PDE12: variants seen among roughly 807,000 people sequenced by gnomAD.
The protein encoded by PDE12 is phosphodiesterase 12.
A neutral mutation model predicts 45.4 loss-of-function variants in PDE12; 26 were observed. The observed-to-expected ratio is 0.57, with a 90% confidence interval of 0.42 to 0.79. The LOEUF is 0.79. Ranked by LOEUF, PDE12 falls within the 30% of genes least tolerant of loss-of-function variation. The probability of loss-of-function intolerance (pLI) is 0.00; values close to 1 mark genes in which losing one functional copy is unlikely to be tolerated. For synonymous variants in PDE12, 283 were observed against 323.9 expected (o/e 0.87, Z 1.36); for missense variants, 668 against 790.0 (o/e 0.85, Z 1.85).
chr3:57,561,252 A>G lies in PDE12; in HGVS notation c.*1248A>G, dbSNP rs2069724846. On this transcript the variant is annotated 3_prime_UTR_variant, in exon 3 of 3. Coordinates refer to ENST00000311180, the MANE Select transcript of PDE12 (RefSeq NM_177966.7). Reference sequence around the variant, plus strand: ...AACTACCTACTGATATGGGCTTGAAATTTTGGATGAATCATTGAGCATTTC... The same window carrying G: ...AACTACCTACTGATATGGGCTTGAAGTTTTGGATGAATCATTGAGCATTTC... 4.1e-6 allele frequency: 4 copies of G among 985,650 alleles called. No homozygotes were observed. The highest frequency in any genetic ancestry group is 4.8e-6 in the Non-Finnish European group (4 of 829,748). 61.1% of individuals were successfully genotyped at this position (985,650 alleles called of 1,614,324 possible).
At chr3:57,613,342 A>G in the PDE12 span, among the ~76,000 whole-genome samples, 1 of 133,298 alleles carries the variant, frequency 7.5e-6, no homozygotes, top group East Asian at 2.3e-4. Context: ...CACCCAGGCT[A>G]GAGTGCAGTG....
At chr3:57,575,809 T>C in the PDE12 span, 1 of 979,338 alleles carries the variant, frequency 1.0e-6, no homozygotes, top group Non-Finnish European at 1.4e-6. Flanking sequence ...AGTTCACTCT[T>C]ACAACTGAAG....
At chr3:57,615,351 G>A in the PDE12 span, among the ~76,000 whole-genome samples, 3 of 152,082 alleles carry the variant, frequency 2.0e-5, no homozygotes, top group East Asian at 1.9e-4. Context: ...TAATTTGTGC[G>A]ATGACACTAA....
chr3:57,644,720 G>A, the PDE12 span, among the ~76,000 whole-genome samples: 1 of 31,388 alleles, frequency 3.2e-5, no homozygotes, highest in African/African-American at 1.3e-4. Flanking sequence ...GGAGAGGAGG[G>A]GAGAGGAGGG....
chr3:57,633,915 A>G, the PDE12 span, among the ~76,000 whole-genome samples: 25 of 152,040 alleles, frequency 1.6e-4, no homozygotes, highest in African/African-American at 5.8e-4. Flanking sequence ...TGAGTTCACT[A>G]TAAAGACAAT....
the PDE12 span, chr3:57,628,745 C>T: frequency 1.3e-6 from 2 of 1,516,062 alleles, no homozygotes; most frequent in Non-Finnish European, 1.8e-6. Flanking sequence ...GGGTTGTCAG[C>T]TCACATGAGA....
chr3:57,621,395 C>T, the PDE12 span, among the ~76,000 whole-genome samples: 1 of 152,190 alleles, frequency 6.6e-6, no homozygotes, highest in Non-Finnish European at 1.5e-5. Context: ...AGAGGCTGAG[C>T]GCGTTGGCTA....
chr3:57,579,580 G>A, the PDE12 span, among the ~76,000 whole-genome samples: 1 of 152,004 alleles, frequency 6.6e-6, no homozygotes, highest in Non-Finnish European at 1.5e-5. Context: ...GAGCCACCGC[G>A]CCCAGCCCCA....
chr3:57,650,713 C>G, the PDE12 span, among the ~76,000 whole-genome samples: 3 of 151,798 alleles, frequency 2.0e-5, no homozygotes, highest in Non-Finnish European at 1.5e-5. Context: ...TTCATAATAA[C>G]CAAAAGTGTA....
Position 57,556,346 on chromosome 3 carries a change from C to T in PDE12, c.-34C>T, listed in dbSNP as rs755239258. ...ACCTGACAGTAGGCCGCTGATCGGCCGCGGGTCTTGTCGACCGCTAGGCCA... is the reference window on the plus strand; with the variant it reads ...ACCTGACAGTAGGCCGCTGATCGGCTGCGGGTCTTGTCGACCGCTAGGCCA... On this transcript the variant is annotated 5_prime_UTR_variant, in exon 1 of 3. Transcript: ENST00000311180. The surrounding 1 kb of genome is among the most constrained non-coding windows in gnomAD (Gnocchi z 5.0). The T allele has an allele frequency of 9.2e-6, 14 of 1,523,134 alleles. No homozygotes were observed. The highest frequency in any genetic ancestry group is 2.4e-5 in the South Asian group (2 of 82,628). The allele number at this position is 1,523,134 out of a possible 1,614,324, so 94.4% of individuals were successfully genotyped here.
At chr3:57,571,413 A>T (rs1274415123), downstream of PDE12, 5 of 152,638 alleles carry the variant, frequency 3.3e-5, no homozygotes, top group African/African-American at 1.2e-4. Flanking sequence ...GTTATGAAGA[A>T]AATGTATTCA....
chr3:57,633,157 A>G, the PDE12 span: 1 of 901,262 alleles, frequency 1.1e-6, no homozygotes, highest in Non-Finnish European at 1.7e-6. Context: ...TAAATATACC[A>G]GGCTGGCAAA....
At chr3:57,599,152 A>G in the PDE12 span, among the ~76,000 whole-genome samples, 1 of 152,200 alleles carries the variant, frequency 6.6e-6, no homozygotes, top group Admixed American at 6.5e-5. Context: ...GAAAGACTGG[A>G]CAACTCAAAG....
the PDE12 span, among the ~76,000 whole-genome samples, chr3:57,586,133 G>T: frequency 1.1e-3 from 166 of 152,322 alleles, 1 homozygote; most frequent in African/African-American, 3.6e-3. Flanking sequence ...ATATTCTGCA[G>T]TGTTTGCTAA....
chr3:57,613,074 G>A, the PDE12 span, among the ~76,000 whole-genome samples: 2 of 151,648 alleles, frequency 1.3e-5, no homozygotes, highest in African/African-American at 4.8e-5. Context: ...TCCACCTCCC[G>A]GGTTCAAGCG....
At chr3:57,617,218 A>C in the PDE12 span, among the ~76,000 whole-genome samples, 1 of 152,120 alleles carries the variant, frequency 6.6e-6, no homozygotes, top group Non-Finnish European at 1.5e-5. Context: ...CAGCCTGGGC[A>C]ACACAGTGAG....
the PDE12 span, chr3:57,628,411 C>A: frequency 4.6e-6 from 7 of 1,534,622 alleles, no homozygotes; most frequent in Non-Finnish European, 5.3e-6. Flanking sequence ...ATTACATTCT[C>A]TAAATAAACC....
chr3:57,633,938 T>C, the PDE12 span, among the ~76,000 whole-genome samples: 1 of 151,912 alleles, frequency 6.6e-6, no homozygotes, highest in South Asian at 2.1e-4. Context: ...TTATTTTATA[T>C]TTGCTATACT....
chr3:57,559,429 A>G (rs764165904), intron 2 of PDE12, 41 bp downstream of exon 2: 10 of 1,543,620 alleles, frequency 6.5e-6, no homozygotes, highest in Non-Finnish European at 8.8e-6. Flanking sequence ...AAACACGCTT[A>G]AAGTTGTTTA....
Sources: gnomAD v4.1 joint callset for allele counts (sites outside exome capture counted in the v4.1 genomes callset) on GRCh38, gnomAD v4.1.1 for gene constraint, Gnocchi (gnomAD v3.1) non-coding constraint, MANE v1.5 for transcripts, NCBI Gene and HGNC (gene_info 2026-07-23, HGNC 2026-07-21) for gene names.